Variants in TMPPE observed in about 807,000 individuals in gnomAD.
TMPPE encodes the protein transmembrane protein with metallophosphoesterase domain.
Under a neutral mutation model 22.6 loss-of-function variants are expected in TMPPE, and 16 were observed. That is an observed-to-expected ratio of 0.71 (90% CI 0.48 to 1.08). The LOEUF is 1.08. Among genes scored for constraint, TMPPE ranks in the 50% least tolerant of loss-of-function variants. The pLI is 0.00. For missense variants in TMPPE, 526 were observed against 584.3 expected, an observed-to-expected ratio of 0.90 and a Z score of 1.03; for synonymous variants, 240 against 245.3, an observed-to-expected ratio of 0.98 and a Z score of 0.20.
rs1228777836 is a variant in TMPPE, at chr3:33,091,332, A to G, written c.*1502T>C. The G allele has an allele frequency of 2.0e-6, 2 of 985,414 alleles. No homozygotes were observed. The highest frequency in any genetic ancestry group is 4.7e-5 in the South Asian group (1 of 21,296). The allele number at this position is 985,414 out of a possible 1,614,324, so 61.0% of individuals were successfully genotyped here. A position where few individuals can be genotyped will look rare whatever the true frequency, so the allele number is the denominator to read the frequency against. The stretch of plus-strand genomic sequence containing the variant: ...GAACCCCACTATACACCAGGAGGAC[A>G]AGGAGGAAAGGAAGAAACCCCCTTT... On this transcript the variant is annotated 3_prime_UTR_variant, in exon 2 of 2. Coordinates refer to ENST00000342462, the MANE Select transcript of TMPPE (RefSeq NM_001039770.3).
rs778790025 is a variant in TMPPE, at chr3:33,093,920, A to C, written c.276T>G (p.Phe92Leu). 6.2e-6 allele frequency: 10 copies of C among 1,613,996 alleles called. No individual in the cohort carries two copies. In the African/African-American group the frequency reaches 1.2e-4, roughly 19 times the overall value. Reference protein sequence around the residue: ...FQLWKVVVLAFLALAHSSFFT... With the variant: ...FQLWKVVVLALLALAHSSFFT... ...AGAAACTGGAATGGGCCAGGGCCAG[A>C]AATGCCAGAACCACCACCTTCCAAA... The change falls in exon 2 of 2, where the codon TTT (phenylalanine) becomes TTG (leucine). Residue 92 changes from phenylalanine to leucine, a missense_variant. Physicochemically the swap from Phe to Leu is conservative, Grantham distance 22. Coordinates refer to ENST00000342462, the MANE Select transcript of TMPPE (RefSeq NM_001039770.3). This position sits in a 1 kb window ranked among gnomAD's most constrained non-coding sequence, Gnocchi z 6.0.
At position 33,096,757 on chromosome 3, in the gene TMPPE, C is replaced by T; in HGVS notation, c.-147G>A. ...CTCGTTACAGATGGGGAAGTGGATC[C>T]AAGCGCAAAGGGCGGCCGGAGCGGA... On this transcript the variant is annotated 5_prime_UTR_variant, in exon 1 of 2. Transcript: ENST00000342462. The T allele has an allele frequency of 7.6e-7, 1 of 1,315,948 alleles. No homozygotes were observed. The highest frequency in any genetic ancestry group is 1.6e-5 in the African/African-American group (1 of 64,012). The allele number at this position is 1,315,948 out of a possible 1,614,324, so 81.5% of individuals were successfully genotyped here.
chr3:33,096,517 A>G (rs1195435100), intron 1 of TMPPE: 1 of 985,236 alleles, frequency 1.0e-6, no homozygotes, highest in Non-Finnish European at 1.2e-6. Context: ...ATGCACGAAG[A>G]GGGAGAGCAC....
Position 33,094,103 on chromosome 3 carries a change from CA to C in TMPPE, c.92del (p.Leu31ArgfsTer38). On this transcript the variant is annotated frameshift_variant, in exon 2 of 2. Coordinates refer to ENST00000342462, the MANE Select transcript of TMPPE (RefSeq NM_001039770.3). LOFTEE classifies it high-confidence loss of function. ...FVSMIASRSY[L>X]AESLELRAWR... ...AGGCCCTGAGCTCAAGGCTCTCTGC[CA>C]GATACGAGCGGGAGGCGATCATGGA... 1 of 1,614,244 alleles carries C rather than the reference CA, an allele frequency of 6.2e-7. No homozygotes were observed.
Position 33,093,919 on chromosome 3 carries a change from G to C in TMPPE, c.277C>G (p.Leu93Val), listed in dbSNP as rs1396610759. ...QLWKVVVLAF[L>V]ALAHSSFFTM... ...AAGAAACTGGAATGGGCCAGGGCCA[G>C]AAATGCCAGAACCACCACCTTCCAA... Residue 93 changes from leucine (L) to valine (V), a missense_variant, in exon 2 of 2, where the codon CTG becomes GTG. Physicochemically the swap from Leu to Val is conservative, Grantham distance 32 (BLOSUM62 1). Coordinates refer to ENST00000342462, the MANE Select transcript of TMPPE (RefSeq NM_001039770.3). The surrounding 1 kb of genome is among the most constrained non-coding windows in gnomAD (Gnocchi z 6.0). 6.2e-7 allele frequency: 1 copy of C among 1,614,102 alleles called. No homozygotes were observed. Among genetic ancestry groups the C allele is most frequent in the East Asian group, 2.2e-5 (1 of 44,890 alleles).
In TMPPE at chr3:33,093,978, T is replaced by C; in HGVS notation, c.218A>G (p.His73Arg). Residue 73 changes from histidine to arginine, a missense_variant, in exon 2 of 2, where the codon CAC (histidine) becomes CGC (arginine). Transcript: ENST00000342462. This position sits in a 1 kb window ranked among gnomAD's most constrained non-coding sequence, Gnocchi z 6.0. ...ACAGGTTGACTCTGCAGCTGGGGAG[T>C]GGCAGAGGTTGCTCACTGTGCTGCG... The part of the protein sequence containing the change: ...IWRSTVSNLC[H>R]SPAAESTCFQ... 1 of 1,613,850 alleles carries C rather than the reference T, an allele frequency of 6.2e-7. No homozygotes were observed. The highest frequency in any genetic ancestry group is 8.5e-7 in the Non-Finnish European group (1 of 1,179,976).
chr3:33,094,084 T>C lies in TMPPE; in HGVS notation c.112A>G (p.Arg38Gly), dbSNP rs894531824. The C allele has an allele frequency of 6.2e-7, 1 of 1,614,148 alleles. No individual in the cohort carries two copies. Among genetic ancestry groups the C allele is most frequent in the Non-Finnish European group, 8.5e-7 (1 of 1,180,056 alleles). Reference sequence around the variant, plus strand: ...AAGCGAAGCAGCCAACGCCAGGCCCTGAGCTCAAGGCTCTCTGCCAGATAC... The same window carrying C: ...AAGCGAAGCAGCCAACGCCAGGCCCCGAGCTCAAGGCTCTCTGCCAGATAC... ...RSYLAESLEL[R>G]AWRWLLRLQL... Residue 38 changes from arginine (R) to glycine (G), a missense_variant, in exon 2 of 2, where the codon AGG (arginine) becomes GGG (glycine). Physicochemically the swap from Arg to Gly is moderately radical, Grantham distance 125. Transcript: ENST00000342462.
Position 33,093,491 on chromosome 3 carries a change from C to A in TMPPE, c.705G>T (p.Val235=). ...KMEMFVRMVN[V]LEPDITVIVG... is the part of the protein sequence containing the mutation. ...CAATCACCGTGATGTCTGGTTCCAG[C>A]ACATTCACCATCCTCACAAACATTT... Residue 235 remains valine (V), a synonymous_variant, in exon 2 of 2, where the codon GTG becomes GTT. Coordinates refer to ENST00000342462, the MANE Select transcript of TMPPE (RefSeq NM_001039770.3). This position sits in a 1 kb window ranked among gnomAD's most constrained non-coding sequence, Gnocchi z 6.0. 1 of 1,614,176 alleles carries A rather than the reference C, an allele frequency of 6.2e-7. No homozygotes were observed. The highest frequency in any genetic ancestry group is 8.5e-7 in the Non-Finnish European group (1 of 1,180,034).
At chr3:33,094,376 A>T in intron 1 of TMPPE, 73 bp from the exon 2 acceptor site, 1 of 1,370,072 alleles carries the variant, frequency 7.3e-7, no homozygotes, top group Non-Finnish European at 9.5e-7. Flanking sequence ...CTCAAAGGCC[A>T]CTTACATCTG....
chr3:33,092,790 G>A lies in TMPPE; in HGVS notation c.*44C>T, dbSNP rs762528468. 1.9e-6 allele frequency: 3 copies of A among 1,542,156 alleles called. No individual in the cohort carries two copies. The Admixed American group carries it at 6.0e-5, about 31-fold the overall frequency. On this transcript the variant is annotated 3_prime_UTR_variant, in exon 2 of 2. Transcript: ENST00000342462. ...AAACCACTCTGAAGCAGGATGGAGG[G>A]TCGAGGACAAGGGCAGGGCAGAGGT...
At chr3:33,094,329 T>C (rs1470646033) in intron 1 of TMPPE, 26 bp from the exon 2 acceptor site, 4 of 1,461,304 alleles carry the variant, frequency 2.7e-6, no homozygotes, top group Non-Finnish European at 3.6e-6. Flanking sequence ...AGCATCAGCT[T>C]TGTGGGATAT....
At position 33,091,496 on chromosome 3, in the gene TMPPE, CCTGTGCCCAA is replaced by C; in HGVS notation, c.*1328_*1337del. 1 of 985,500 alleles carries C rather than the reference CCTGTGCCCAA, an allele frequency of 1.0e-6. No individual in the cohort carries two copies. Among genetic ancestry groups the C allele is most frequent in the Non-Finnish European group, 1.2e-6 (1 of 829,974 alleles). 61.0% of individuals were successfully genotyped at this position (985,500 alleles called of 1,614,324 possible). ...GGCTGCTCCATGAATCCTCTGGGCACCTGTGCCCAACAGAGTTCCTTAGCAAGCTCCACTG... is the reference window on the plus strand; with the variant it reads ...GGCTGCTCCATGAATCCTCTGGGCACCAGAGTTCCTTAGCAAGCTCCACTG... On this transcript the variant is annotated 3_prime_UTR_variant, in exon 2 of 2. Transcript: ENST00000342462.
At chr3:33,095,419 G>A (rs1196205381) in intron 1 of TMPPE, among the ~76,000 whole-genome samples, 1 of 152,026 alleles carries the variant, frequency 6.6e-6, no homozygotes, top group African/African-American at 2.4e-5. Flanking sequence ...CCAGCTACTC[G>A]GGAGGCTGAG....
At position 33,097,019 on chromosome 3, in the gene TMPPE, C is replaced by T. The variant is rs1240673584; in HGVS notation, c.-409G>A. ...GGGTCCCGCAGACTTACGCGCAAGC[C>T]GCGCGTAGGGCCCAGAAGCAGCAGA... On this transcript the variant is annotated 5_prime_UTR_variant, in exon 1 of 2. Transcript: ENST00000342462. 1.2e-6 allele frequency: 2 copies of T among 1,612,124 alleles called. No individual in the cohort carries two copies. Among genetic ancestry groups the T allele is most frequent in the Non-Finnish European group, 1.7e-6 (2 of 1,178,972 alleles).
At chr3:33,095,360 A>G (rs920709044) in intron 1 of TMPPE, among the ~76,000 whole-genome samples, 2 of 151,244 alleles carry the variant, frequency 1.3e-5, no homozygotes, top group Admixed American at 6.6e-5. Flanking sequence ...TACTAAAAAT[A>G]CAAAAAAAGA....
At position 33,093,111 on chromosome 3, in the gene TMPPE, T is replaced by C. The variant is rs1700840375; in HGVS notation, c.1085A>G (p.His362Arg). ...DKALEGCSPDHTIILLAHQPL... is the reference protein window; with the variant it reads ...DKALEGCSPDRTIILLAHQPL... ...CTGGTGAGCTAGCAAGATGATTGTG[T>C]GGTCTGGGCTGCAGCCCTCCAGGGC... The change falls in exon 2 of 2, where the codon CAC becomes CGC. Residue 362 changes from histidine to arginine, a missense_variant. Transcript: ENST00000342462. This position sits in a 1 kb window ranked among gnomAD's most constrained non-coding sequence, Gnocchi z 6.0. 3 of 1,614,076 alleles carry C rather than the reference T, an allele frequency of 1.9e-6. No individual in the cohort carries two copies. The highest frequency in any genetic ancestry group is 1.3e-5 in the African/African-American group (1 of 74,938).
In TMPPE at chr3:33,090,976, CTGA is replaced by C. The variant is rs1292203618; in HGVS notation, c.*1855_*1857del. 53 of 985,080 alleles carry C rather than the reference CTGA, an allele frequency of 5.4e-5. No homozygotes were observed. The highest frequency in any genetic ancestry group is 6.3e-5 in the Non-Finnish European group (52 of 829,890). The allele number at this position is 985,080 out of a possible 1,614,324, so 61.0% of individuals were successfully genotyped here. A position where few individuals can be genotyped will look rare whatever the true frequency, so the allele number is the denominator to read the frequency against. On this transcript the variant is annotated 3_prime_UTR_variant, in exon 2 of 2. Coordinates refer to ENST00000342462, the MANE Select transcript of TMPPE (RefSeq NM_001039770.3). ...AGCTAATTTCATCAAGCCCAGGTCA[CTGA>C]TGAGAAAGATGTAAAATCAAGAAAC... is the stretch of plus-strand genomic sequence containing the variant.
Position 33,091,560 on chromosome 3 carries a change from T to C in TMPPE, c.*1274A>G, listed in dbSNP as rs1397547207. On this transcript the variant is annotated 3_prime_UTR_variant, in exon 2 of 2. Transcript: ENST00000342462. ...CGTTGAAAAATTAACATTGAGTGTT[T>C]ACTGTGCACGCTGTGCCATGTGGAA... 1.7e-5 allele frequency: 17 copies of C among 985,366 alleles called. No individual in the cohort carries two copies. The highest frequency in any genetic ancestry group is 1.9e-5 in the Non-Finnish European group (16 of 829,940). The allele number at this position is 985,366 out of a possible 1,614,324, so 61.0% of individuals were successfully genotyped here. A position where few individuals can be genotyped will look rare whatever the true frequency, so the allele number is the denominator to read the frequency against.
At position 33,097,030 on chromosome 3, in the gene TMPPE, C is replaced by A. The variant is rs1462909018; in HGVS notation, c.-420G>T. On this transcript the variant is annotated 5_prime_UTR_variant, in exon 1 of 2. Transcript: ENST00000342462. ...ACTTACGCGCAAGCCGCGCGTAGGG[C>A]CCAGAAGCAGCAGAACCAGCAACAG... is the stretch of plus-strand genomic sequence containing the variant. The A allele has an allele frequency of 6.2e-7, 1 of 1,612,278 alleles. No homozygotes were observed. The highest frequency in any genetic ancestry group is 8.5e-7 in the Non-Finnish European group (1 of 1,179,018).
Sources: gnomAD v4.1 joint callset for allele counts (sites outside exome capture counted in the v4.1 genomes callset) on GRCh38, gnomAD v4.1.1 for gene constraint, Gnocchi (gnomAD v3.1) non-coding constraint, MANE v1.5 for transcripts, NCBI Gene and HGNC (gene_info 2026-07-23, HGNC 2026-07-21) for gene names.